The following OSBPL3 variants were observed in gnomAD, a reference collection of about 807,000 sequenced individuals.
OSBPL3 encodes the protein oxysterol-binding protein-related protein 3.
OSBPL3 carries 65 observed loss-of-function variants against 120.1 expected under a neutral mutation model. That is an observed-to-expected ratio of 0.54 (90% CI 0.44 to 0.67). The LOEUF is 0.67. OSBPL3 is among the 30% of genes least tolerant of loss of function. The pLI, the probability that OSBPL3 is intolerant of heterozygous loss-of-function variation, is 0.00. For synonymous variants in OSBPL3, 416 were observed against 402.6 expected, an observed-to-expected ratio of 1.03 and a Z score of -0.40; for missense variants, 1,004 against 1,082.1, an observed-to-expected ratio of 0.93 and a Z score of 1.01.
chr7:24,853,368 G>A (rs1799411311), intron 10 of OSBPL3, among the ~76,000 whole-genome samples: 1 of 152,222 alleles, frequency 6.6e-6, no homozygotes, highest in Admixed American at 6.5e-5. Flanking sequence ...TATGTAATCT[G>A]AATTTGATCA....
rs926651652 is a variant in OSBPL3 at position 24,937,995 on chromosome 7, A to G, written c.-150+41891T>C. Among the ~76,000 whole-genome samples, 1 of 152,158 alleles carries G rather than the reference A, an allele frequency of 6.6e-6. No individual in the cohort carries two copies. The highest frequency in any genetic ancestry group is 1.5e-5 in the Non-Finnish European group (1 of 68,022). ...GTTCTGCTTGGGTAACAAAAGTAGA[A>G]ATATCTGTTAGGAACTACATTTAAC... is the stretch of plus-strand genomic sequence containing the variant. On this transcript the variant is annotated intron_variant, in intron 1 of 22. Transcript: ENST00000313367. The surrounding 1 kb of genome is among the most constrained non-coding windows in gnomAD (Gnocchi z 4.0).
At chr7:24,950,382 C>T (rs1438015181) in intron 1 of OSBPL3, among the ~76,000 whole-genome samples, 1 of 152,186 alleles carries the variant, frequency 6.6e-6, no homozygotes, top group African/African-American at 2.4e-5. Context: ...GAGTTAAACT[C>T]ATCAAAGGTC....
At chr7:24,878,496 A>T (rs1803168877) in intron 2 of OSBPL3, among the ~76,000 whole-genome samples, 1 of 152,234 alleles carries the variant, frequency 6.6e-6, no homozygotes, top group African/African-American at 2.4e-5. Context: ...AGAAAGGCTA[A>T]CGATCATCAA....
At position 24,948,022 on chromosome 7, in the gene OSBPL3, G is replaced by A. The variant is rs569559140; in HGVS notation, c.-150+31864C>T. On this transcript the variant is annotated intron_variant, in intron 1 of 22. Coordinates refer to ENST00000313367, the MANE Select transcript of OSBPL3 (RefSeq NM_015550.4). ...TCAAGAAATAAAAAAATCAAACTAA[G>A]ACGACCTATCATATACCATACAGCA... Among the ~76,000 whole-genome samples the A allele has an allele frequency of 2.0e-5, 3 of 152,166 alleles. No homozygotes were observed. The South Asian group carries it at 6.2e-4, about 32-fold the overall frequency.
rs1004874682 is a variant in OSBPL3, at chr7:24,852,023, T to A, written c.1158+481A>T. ...ATCCCATCAAACAAAATAGCTCTCATGTCTTTGAAAGAGTGGTAAACAGGA... is the reference window on the plus strand; with the variant it reads ...ATCCCATCAAACAAAATAGCTCTCAAGTCTTTGAAAGAGTGGTAAACAGGA... On this transcript the variant is annotated intron_variant, in intron 11 of 22. Transcript: ENST00000313367. This position sits in a 1 kb window ranked among gnomAD's most constrained non-coding sequence, Gnocchi z 4.1. Among the ~76,000 whole-genome samples the A allele has an allele frequency of 6.6e-6, 1 of 152,212 alleles. No individual in the cohort carries two copies. Among genetic ancestry groups the A allele is most frequent in the African/African-American group, 2.4e-5 (1 of 41,444 alleles).
chr7:24,944,196 G>T (rs1347823163), intron 1 of OSBPL3, among the ~76,000 whole-genome samples: 1 of 151,954 alleles, frequency 6.6e-6, no homozygotes, highest in Non-Finnish European at 1.5e-5. Flanking sequence ...AAGATGTCTG[G>T]TTACAATAGT....
At chr7:24,926,233 G>A (rs186196209) in intron 1 of OSBPL3, among the ~76,000 whole-genome samples, 3 of 152,268 alleles carry the variant, frequency 2.0e-5, no homozygotes, top group East Asian at 1.9e-4. Context: ...CAGTTTGAAC[G>A]TGTAGGGTTA....
Position 24,831,154 on chromosome 7 carries a change from T to TAAAG in OSBPL3, c.1747-253_1747-250dup, listed in dbSNP as rs1796318413. ...GATGCCTAAAAGTTGGGAGATGCTATAAAGACGATGACATTTCTAAACTGG... is the reference window on the plus strand; with the variant it reads ...GATGCCTAAAAGTTGGGAGATGCTATAAAGAAAGACGATGACATTTCTAAACTGG... On this transcript the variant is annotated intron_variant, in intron 15 of 22. Coordinates refer to ENST00000313367, the MANE Select transcript of OSBPL3 (RefSeq NM_015550.4). The surrounding 1 kb of genome is among the most constrained non-coding windows in gnomAD (Gnocchi z 4.0). Among the ~76,000 whole-genome samples, 1 of 152,184 alleles carries TAAAG rather than the reference T, an allele frequency of 6.6e-6. No homozygotes were observed. Among genetic ancestry groups the TAAAG allele is most frequent in the Non-Finnish European group, 1.5e-5 (1 of 68,022 alleles).
chr7:24,979,437 G>A (rs947162246), intron 1 of OSBPL3, among the ~76,000 whole-genome samples: 1 of 152,048 alleles, frequency 6.6e-6, no homozygotes, highest in African/African-American at 2.4e-5. Flanking sequence ...CCTGCCCCGC[G>A]AGCGTTGTCT....
intron 2 of OSBPL3, among the ~76,000 whole-genome samples, chr7:24,888,720 CTACA>C (rs1308844358): frequency 6.6e-6 from 1 of 152,142 alleles, no homozygotes; most frequent in Non-Finnish European, 1.5e-5. Flanking sequence ...GACAGTATCT[CTACA>C]TAAACACATA....
intron 1 of OSBPL3, among the ~76,000 whole-genome samples, chr7:24,931,333 T>TA (rs1811764599): frequency 6.6e-6 from 1 of 152,192 alleles, no homozygotes; most frequent in South Asian, 2.1e-4. Flanking sequence ...GTCCATGTTC[T>TA]AACCCCCAGA....
rs938297130 is a variant in OSBPL3, at chr7:24,821,342, GA to G, written c.1885-1105del. ...TGGTTTTCAAACTTTGCAAAAAGAA[GA>G]AAAAAAATGTTTTAAGCAGCTGTAC... is the stretch of plus-strand genomic sequence containing the variant. On this transcript the variant is annotated intron_variant, in intron 16 of 22. Transcript: ENST00000313367. This position sits in a 1 kb window ranked among gnomAD's most constrained non-coding sequence, Gnocchi z 5.5. 6.6e-6 allele frequency among the ~76,000 whole-genome samples: 1 copy of G among 151,922 alleles called. No individual in the cohort carries two copies. Among genetic ancestry groups the G allele is most frequent in the African/African-American group, 2.4e-5 (1 of 41,382 alleles).
chr7:24,936,327 C>A lies in OSBPL3; in HGVS notation c.-150+43559G>T, dbSNP rs1163088795. ...CACAATCCACAAACATGAATACGTTCTTTCAATATAACCTTTAATGACCAC... is the reference window on the plus strand; with the variant it reads ...CACAATCCACAAACATGAATACGTTATTTCAATATAACCTTTAATGACCAC... On this transcript the variant is annotated intron_variant, in intron 1 of 22. Coordinates refer to ENST00000313367, the MANE Select transcript of OSBPL3 (RefSeq NM_015550.4). This position sits in a 1 kb window ranked among gnomAD's most constrained non-coding sequence, Gnocchi z 4.2. Among the ~76,000 whole-genome samples, 1 of 152,184 alleles carries A rather than the reference C, an allele frequency of 6.6e-6. No individual in the cohort carries two copies. Among genetic ancestry groups the A allele is most frequent in the Non-Finnish European group, 1.5e-5 (1 of 68,024 alleles).
In OSBPL3 at chr7:24,867,420, C is replaced by T. The variant is rs1240529838; in HGVS notation, c.382-1183G>A. On this transcript the variant is annotated intron_variant, in intron 5 of 22. Coordinates refer to ENST00000313367, the MANE Select transcript of OSBPL3 (RefSeq NM_015550.4). This position sits in a 1 kb window ranked among gnomAD's most constrained non-coding sequence, Gnocchi z 4.5. ...TGTGTCCCATGTCCCACCCAAATCT[C>T]ATCCTGAATTCCCACATTTTGTGGG... is the stretch of plus-strand genomic sequence containing the variant. Among the ~76,000 whole-genome samples, 1 of 152,192 alleles carries T rather than the reference C, an allele frequency of 6.6e-6. No individual in the cohort carries two copies. Among genetic ancestry groups the T allele is most frequent in the African/African-American group, 2.4e-5 (1 of 41,444 alleles).
chr7:24,850,102 A>G (rs1283065212), intron 11 of OSBPL3, among the ~76,000 whole-genome samples: 2 of 152,130 alleles, frequency 1.3e-5, no homozygotes, highest in African/African-American at 2.4e-5. Context: ...AGTAAGCCTC[A>G]CTTACCTGCA....
Position 24,849,238 on chromosome 7 carries a change from G to A in OSBPL3, c.1159-62C>T. On this transcript the variant is annotated intron_variant, in intron 11 of 22. Transcript: ENST00000313367. This position sits in a 1 kb window ranked among gnomAD's most constrained non-coding sequence, Gnocchi z 5.4. Reference sequence around the variant, plus strand: ...ATGGATGTTTCAGAAAAGCACAGCAGTGGGCCCTGCAGGAGCGATCTCTAA... The same window carrying A: ...ATGGATGTTTCAGAAAAGCACAGCAATGGGCCCTGCAGGAGCGATCTCTAA... The A allele has an allele frequency of 7.7e-7, 1 of 1,293,198 alleles. No homozygotes were observed. The allele number at this position is 1,293,198 out of a possible 1,614,324, so 80.1% of individuals were successfully genotyped here.
intron 7 of OSBPL3, among the ~76,000 whole-genome samples, chr7:24,864,228 C>T (rs1047684871): frequency 1.3e-5 from 2 of 152,148 alleles, no homozygotes; most frequent in African/African-American, 2.4e-5. Context: ...AAAGATAGTC[C>T]ATATTTGCTG....
rs748495049 is a variant in OSBPL3, at chr7:24,852,678, T to A, written c.1028-44A>T. ...TATAAAAAGGAATAAGGAGGCATAA[T>A]TAAAAACAAAATACAGAAAAAAACA... On this transcript the variant is annotated intron_variant, in intron 10 of 22. Coordinates refer to ENST00000313367, the MANE Select transcript of OSBPL3 (RefSeq NM_015550.4). The surrounding 1 kb of genome is among the most constrained non-coding windows in gnomAD (Gnocchi z 4.1). The A allele has an allele frequency of 1.5e-6, 2 of 1,343,946 alleles. No homozygotes were observed. Among genetic ancestry groups the A allele is most frequent in the South Asian group, 3.0e-5 (2 of 66,054 alleles). 83.3% of individuals were successfully genotyped at this position (1,343,946 alleles called of 1,614,324 possible). A position where few individuals can be genotyped will look rare whatever the true frequency, so the allele number is the denominator to read the frequency against.
chr7:24,980,258 CG>C (rs1818155154), upstream of OSBPL3: 1 of 155,312 alleles, frequency 6.4e-6, no homozygotes, highest in African/African-American at 2.4e-5. Flanking sequence ...GGCCCAGGGG[CG>C]GGGCCCCGAG....
Sources: allele counts gnomAD v4.1 joint callset (sites outside exome capture counted in the v4.1 genomes callset), GRCh38; gene constraint gnomAD v4.1.1; non-coding constraint Gnocchi (gnomAD v3.1); transcripts MANE v1.5; gene names NCBI Gene and HGNC (gene_info 2026-07-23, HGNC 2026-07-21).